AGBL4: variants seen among roughly 807,000 people sequenced by gnomAD.
AGBL4 encodes the protein cytosolic carboxypeptidase 6.
AGBL4 carries 58 observed loss-of-function variants against 66.4 expected under a neutral mutation model. The ratio of observed to expected loss-of-function variants is 0.87; its 90% CI spans 0.71 to 1.09. The LOEUF (loss-of-function observed/expected upper bound fraction) is 1.09, where lower values mean the gene tolerates loss of function less well. Among genes scored for constraint, AGBL4 ranks in the 50% least tolerant of loss-of-function variants. AGBL4 has a pLI of 0.00. For missense variants in AGBL4, 579 were observed against 631.0 expected (o/e 0.92, Z 0.88); for synonymous variants, 234 against 222.9 (o/e 1.05, Z -0.44).
intron 4 of AGBL4, among the ~76,000 whole-genome samples, chr1:49,069,821 G>T (rs537512142): frequency 6.6e-5 from 10 of 151,930 alleles, no homozygotes; most frequent in African/African-American, 2.4e-4. Context: ...ATTACTATGG[G>T]CAGTATAGCC....
intron 9 of AGBL4, among the ~76,000 whole-genome samples, chr1:48,629,165 T>C (rs143957646): frequency 2.1e-3 from 318 of 152,288 alleles, no homozygotes; most frequent in African/African-American, 7.4e-3. Flanking sequence ...TGCAGGTGGA[T>C]GGTCCTGGGA....
chr1:49,753,186 G>T (rs1651612026), intron 2 of AGBL4, among the ~76,000 whole-genome samples: 1 of 152,180 alleles, frequency 6.6e-6, no homozygotes, highest in Non-Finnish European at 1.5e-5. Context: ...ATTTTGGTAT[G>T]GTTTTGCACT....
chr1:49,312,742 A>G (rs1644963869), intron 3 of AGBL4, among the ~76,000 whole-genome samples: 1 of 152,148 alleles, frequency 6.6e-6, no homozygotes, highest in Non-Finnish European at 1.5e-5. Context: ...TCATACGTCA[A>G]TTAGAGAATT....
intron 4 of AGBL4, among the ~76,000 whole-genome samples, chr1:49,107,630 T>C (rs1054775666): frequency 4.0e-5 from 6 of 151,794 alleles, no homozygotes; most frequent in African/African-American, 1.5e-4. Context: ...GTGGATTAAT[T>C]GTCTGTGTGT....
intron 6 of AGBL4, among the ~76,000 whole-genome samples, chr1:48,856,920 C>T (rs1647174311): frequency 6.6e-6 from 1 of 152,032 alleles, no homozygotes; most frequent in South Asian, 2.1e-4. Flanking sequence ...TGAATTCTGT[C>T]TGGGGAAGAG....
chr1:49,156,515 G>A lies in AGBL4; in HGVS notation c.377+89255C>T, dbSNP rs144928543. Among the ~76,000 whole-genome samples the A allele has an allele frequency of 5.5e-3, 844 of 152,176 alleles. 7 individuals carry two copies. The highest frequency in any genetic ancestry group is 0.019 in the African/African-American group (797 of 41,508). On this transcript the variant is annotated intron_variant, in intron 4 of 13. Transcript: ENST00000371839. Reference sequence around the variant, plus strand: ...CATGAGGTTTTCATCAAGCTGTAGCGCTATAGACATCTGAAAACTTTACTG... The same window carrying A: ...CATGAGGTTTTCATCAAGCTGTAGCACTATAGACATCTGAAAACTTTACTG...
At chr1:49,562,455 G>A (rs562177064) in intron 3 of AGBL4, among the ~76,000 whole-genome samples, 161 of 152,264 alleles carry the variant, frequency 1.1e-3, no homozygotes, top group Admixed American at 5.0e-3. Context: ...TAACATGTAA[G>A]TCTTTAATCC....
chr1:49,960,026 T>G (rs1174358925), intron 1 of AGBL4, among the ~76,000 whole-genome samples: 2 of 151,396 alleles, frequency 1.3e-5, no homozygotes, highest in Non-Finnish European at 2.9e-5. Context: ...GGGTGAAGGG[T>G]GGGAGCGGGG....
At chr1:49,714,576 AT>A (rs1647936145) in intron 2 of AGBL4, among the ~76,000 whole-genome samples, 3 of 145,806 alleles carry the variant, frequency 2.1e-5, no homozygotes, top group Admixed American at 2.1e-4. Flanking sequence ...TTACATATAT[AT>A]ATATATATAT....
At chr1:49,304,144 T>C (rs1644806603) in intron 3 of AGBL4, among the ~76,000 whole-genome samples, 1 of 152,194 alleles carries the variant, frequency 6.6e-6, no homozygotes, top group Admixed American at 6.5e-5. Context: ...CCATCTTGAG[T>C]TAATTTTTGT....
chr1:48,849,550 C>G (rs1212891628), intron 6 of AGBL4, among the ~76,000 whole-genome samples: 1 of 152,226 alleles, frequency 6.6e-6, no homozygotes, highest in African/African-American at 2.4e-5. Flanking sequence ...TTCTAGCTAC[C>G]TCTCCTTTGC....
intron 6 of AGBL4, among the ~76,000 whole-genome samples, chr1:48,665,809 T>C (rs1646177565): frequency 6.6e-6 from 1 of 152,210 alleles, no homozygotes; most frequent in Non-Finnish European, 1.5e-5. Flanking sequence ...AAAGACACTG[T>C]CTAACACTGA....
At chr1:49,064,468 A>G (rs768989475) in intron 4 of AGBL4, among the ~76,000 whole-genome samples, 38 of 152,210 alleles carry the variant, frequency 2.5e-4, no homozygotes, top group Non-Finnish European at 8.8e-5. Flanking sequence ...GTTAGACTTA[A>G]GGTCCACTTT....
At chr1:49,779,971 C>T (rs1418085381) in intron 2 of AGBL4, among the ~76,000 whole-genome samples, 1 of 152,140 alleles carries the variant, frequency 6.6e-6, no homozygotes, top group East Asian at 1.9e-4. Flanking sequence ...CAAGGGAACT[C>T]AATATGATTG....
intron 6 of AGBL4, among the ~76,000 whole-genome samples, chr1:48,837,137 G>A (rs1274446735): frequency 6.6e-6 from 1 of 151,496 alleles, no homozygotes; most frequent in Non-Finnish European, 1.5e-5. Flanking sequence ...ATAGGATAGT[G>A]AGTTGGCAAG....
chr1:49,673,541 C>A (rs1255543975), intron 3 of AGBL4, among the ~76,000 whole-genome samples: 1 of 152,080 alleles, frequency 6.6e-6, no homozygotes, highest in Non-Finnish European at 1.5e-5. Context: ...CATTGCATAC[C>A]TATATCAAAA....
chr1:49,947,359 T>C (rs1010903560), intron 1 of AGBL4, among the ~76,000 whole-genome samples: 8 of 151,864 alleles, frequency 5.3e-5, no homozygotes, highest in African/African-American at 1.9e-4. Context: ...ATCAAGTGGG[T>C]TTCACACCAG....
chr1:49,906,687 G>A (rs1039911390), intron 1 of AGBL4, among the ~76,000 whole-genome samples: 15 of 151,928 alleles, frequency 9.9e-5, no homozygotes, highest in Non-Finnish European at 2.2e-4. Context: ...ACAATAAGAT[G>A]TGATATATGT....
At chr1:48,974,098 T>C (rs905104236) in intron 5 of AGBL4, among the ~76,000 whole-genome samples, 3 of 151,972 alleles carry the variant, frequency 2.0e-5, no homozygotes, top group Non-Finnish European at 4.4e-5. Context: ...GAGGCTGGGA[T>C]TGCAGTCAGA....
Sources: allele counts gnomAD v4.1 joint callset (sites outside exome capture counted in the v4.1 genomes callset), GRCh38; gene constraint gnomAD v4.1.1; transcripts MANE v1.5; gene names NCBI Gene and HGNC (gene_info 2026-07-23, HGNC 2026-07-21).